The following SIGLEC7 variants were observed in gnomAD, a reference collection of about 807,000 sequenced individuals.
SIGLEC7 encodes the protein sialic acid binding Ig like lectin 7, also known as sialic acid-binding Ig-like lectin 7.
Under a neutral mutation model 40.8 loss-of-function variants are expected in SIGLEC7, and 33 were observed. That is an observed-to-expected ratio of 0.81 (90% confidence interval 0.61 to 1.08). The LOEUF is 1.08. SIGLEC7 is among the 50% of genes least tolerant of loss of function. SIGLEC7 has a pLI of 0.00. For missense variants in SIGLEC7, 513 were observed against 576.1 expected (o/e 0.89, Z 1.12); for synonymous variants, 242 against 237.6 (o/e 1.02, Z -0.17).
chr19:51,150,595 C>T (rs2092137232), intron 6 of SIGLEC7, among the ~76,000 whole-genome samples: 3 of 152,116 alleles, frequency 2.0e-5, no homozygotes, highest in Non-Finnish European at 4.4e-5. Context: ...AAGTTTTCTT[C>T]TTTTGTTGTG....
chr19:51,153,215 T>C lies in SIGLEC7; in HGVS notation c.1374T>C (p.Asn458=). Residue 458 remains asparagine (N), a synonymous_variant, in exon 7 of 7, where the codon AAT becomes AAC. Coordinates refer to ENST00000317643, the MANE Select transcript of SIGLEC7 (RefSeq NM_014385.4). ...QDLSGQEATN[N]EYSEIKIPK is the part of the protein sequence containing the mutation. ...TATCAGGACAAGAAGCCACCAACAATGAGTACTCAGAGATCAAGATCCCCA... is the reference window on the plus strand; with the variant it reads ...TATCAGGACAAGAAGCCACCAACAACGAGTACTCAGAGATCAAGATCCCCA... 6.3e-7 allele frequency: 1 copy of C among 1,596,940 alleles called. No homozygotes were observed. Among genetic ancestry groups the C allele is most frequent in the Non-Finnish European group, 8.5e-7 (1 of 1,171,966 alleles).
chr19:51,146,190 G>A (rs2092107343), intron 4 of SIGLEC7, 69 bp downstream of exon 4: 1 of 1,563,628 alleles, frequency 6.4e-7, no homozygotes, highest in South Asian at 1.2e-5. Flanking sequence ...CACTGCCCCT[G>A]AGCTTCAAGG....
In SIGLEC7 at chr19:51,142,564, G is replaced by A; in HGVS notation, c.195G>A (p.Trp65Ter). 6.2e-7 allele frequency: 1 copy of A among 1,614,170 alleles called. No homozygotes were observed. Among genetic ancestry groups the A allele is most frequent in the Non-Finnish European group, 8.5e-7 (1 of 1,180,036 alleles). Residue 65 changes from tryptophan (W) to a stop codon, truncating the protein, a stop_gained, in exon 1 of 7, where the codon TGG becomes TGA. Transcript: ENST00000317643. LOFTEE classifies it high-confidence loss of function. This position sits in a 1 kb window ranked among gnomAD's most constrained non-coding sequence, Gnocchi z 5.0. ...QTDSDPVHGY[W>*]FRAGNDISWK... The stretch of plus-strand genomic sequence containing the variant: ...ACTCTGACCCAGTTCATGGCTACTG[G>A]TTCCGGGCAGGGAATGATATAAGCT...
At chr19:51,151,420 T>C (rs2092142702) in intron 6 of SIGLEC7, among the ~76,000 whole-genome samples, 2 of 152,196 alleles carry the variant, frequency 1.3e-5, no homozygotes, top group Non-Finnish European at 2.9e-5. Flanking sequence ...GTTTGAATTA[T>C]ACCACTGGAT....
chr19:51,147,035 C>T (rs2092113036), intron 5 of SIGLEC7, 185 bp downstream of exon 5: 1 of 1,060,060 alleles, frequency 9.4e-7, no homozygotes, highest in East Asian at 2.6e-5. Flanking sequence ...TGTGGTGAAC[C>T]TTGGGCCCCA....
At position 51,147,332 on chromosome 19, in the gene SIGLEC7, C is replaced by T. The variant is rs144157893; in HGVS notation, c.1221+15C>T. 2,652 of 1,595,700 alleles carry T rather than the reference C, an allele frequency of 1.7e-3. 30 individuals carry two copies. Among genetic ancestry groups the T allele is most frequent in the Middle Eastern group, 9.5e-3 (57 of 5,992 alleles). On this transcript the variant is annotated intron_variant, in intron 6 of 6. Coordinates refer to ENST00000317643, the MANE Select transcript of SIGLEC7 (RefSeq NM_014385.4). ...CAGCCTCTCAGGTGAGTGATATGGG[C>T]GTCTCCACACCCAGCATCCAGCTGG...
At position 51,143,511 on chromosome 19, in the gene SIGLEC7, C is replaced by T. The variant is rs542579115; in HGVS notation, c.433+709C>T. Among the ~76,000 whole-genome samples, 15 of 152,240 alleles carry T rather than the reference C, an allele frequency of 9.9e-5. No individual in the cohort carries two copies. In the South Asian group the frequency reaches 2.7e-3, roughly 27 times the overall value. ...AAGCCCGGAGGTAGGAGGTGGGACA[C>T]GGTCTCTTCTCCTCCCTGGGTGGGT... On this transcript the variant is annotated intron_variant, in intron 1 of 6. Transcript: ENST00000317643.
chr19:51,146,003 T>TGGAG lies in SIGLEC7; in HGVS notation c.909_910insGGAG (p.Leu304GlyfsTer13). The TGGAG allele has an allele frequency of 6.2e-7, 1 of 1,614,072 alleles. No homozygotes were observed. Among genetic ancestry groups the TGGAG allele is most frequent in the Non-Finnish European group, 8.5e-7 (1 of 1,180,008 alleles). ...TGTACCCCTCACAGCCCTCAAACCC[T>TGGAG]CTGGTACTGGAGCTGCAAGTGCACC... On this transcript the variant is annotated frameshift_variant, in exon 4 of 7. Coordinates refer to ENST00000317643, the MANE Select transcript of SIGLEC7 (RefSeq NM_014385.4). LOFTEE classifies it high-confidence loss of function.
At chr19:51,144,830 C>T (rs2092096839) in intron 2 of SIGLEC7, 82 bp from the exon 3 acceptor site, 1 of 1,587,136 alleles carries the variant, frequency 6.3e-7, no homozygotes, top group Non-Finnish European at 8.6e-7. Flanking sequence ...TCCGCCTTCC[C>T]CATTTATGCA....
In SIGLEC7 at chr19:51,146,758, A is replaced by C. The variant is rs748463904; in HGVS notation, c.1032A>C (p.Lys344Asn). The change falls in exon 5 of 7, where the codon AAA becomes AAC. Residue 344 changes from lysine (K) to asparagine (N), a missense_variant. Coordinates refer to ENST00000317643, the MANE Select transcript of SIGLEC7 (RefSeq NM_014385.4). ...NLSLQQEYTG[K>N]MRPVSGVLLG... ...ACAATTCCAATCCATCCTCAGGCAA[A>C]ATGAGGCCTGTATCAGGAGTGTTGC... 33 of 1,613,220 alleles carry C rather than the reference A, an allele frequency of 2.0e-5. No individual in the cohort carries two copies. The highest frequency in any genetic ancestry group is 2.5e-5 in the Non-Finnish European group (30 of 1,179,534).
chr19:51,147,871 T>C (rs2092120396), intron 6 of SIGLEC7, among the ~76,000 whole-genome samples: 1 of 152,218 alleles, frequency 6.6e-6, no homozygotes, highest in Non-Finnish European at 1.5e-5. Flanking sequence ...CACAGTCTCA[T>C]TGCAGCTCCT....
chr19:51,147,519 TGGA>T (rs1272916592), intron 6 of SIGLEC7, among the ~76,000 whole-genome samples: 3 of 152,212 alleles, frequency 2.0e-5, no homozygotes, highest in African/African-American at 4.8e-5. Context: ...GGGCCAGGCA[TGGA>T]GGAGGAGTTA....
In SIGLEC7 at chr19:51,144,692, C is replaced by T. The variant is rs371754497; in HGVS notation, c.712+8C>T. The T allele has an allele frequency of 6.2e-7, 1 of 1,611,870 alleles. No individual in the cohort carries two copies. Among genetic ancestry groups the T allele is most frequent in the Admixed American group, 1.7e-5 (1 of 59,958 alleles). ...TCCAACTCAATGTGTCCTGTGAGTG[C>T]TGAGCCAGGACGCCCTGGTCCCTGA... is the stretch of plus-strand genomic sequence containing the variant. On this transcript the variant is annotated splice_region_variant and intron_variant, in intron 2 of 6. Transcript: ENST00000317643.
intron 1 of SIGLEC7, among the ~76,000 whole-genome samples, chr19:51,143,587 C>A (rs2092085015): frequency 6.6e-6 from 1 of 152,064 alleles, no homozygotes; most frequent in South Asian, 2.1e-4. Context: ...CAGAGGGAAC[C>A]AGTTCCTATA....
chr19:51,148,803 C>T (rs572496569), intron 6 of SIGLEC7, among the ~76,000 whole-genome samples: 1 of 152,286 alleles, frequency 6.6e-6, no homozygotes, highest in East Asian at 1.9e-4. Context: ...ACACTCCTGC[C>T]GACAGTATAA....
In SIGLEC7 at chr19:51,144,565, G is replaced by A. The variant is rs146686531; in HGVS notation, c.593G>A (p.Arg198His). 90 of 1,598,356 alleles carry A rather than the reference G, an allele frequency of 5.6e-5. No individual in the cohort carries two copies. The East Asian group carries it at 9.9e-4, about 18-fold the overall frequency. Residue 198 changes from arginine (R) to histidine (H), a missense_variant, in exon 2 of 7, where the codon CGC (arginine) becomes CAC (histidine). Arg to His is a conservative substitution (Grantham distance 29). Coordinates refer to ENST00000317643, the MANE Select transcript of SIGLEC7 (RefSeq NM_014385.4). Reference sequence around the variant, plus strand: ...TCCCCCCTGCACCCCTCCACCACCCGCTCCTCAGTGCTCACCCTCATCCCA... The same window carrying A: ...TCCCCCCTGCACCCCTCCACCACCCACTCCTCAGTGCTCACCCTCATCCCA... ...SVSPLHPSTT[R>H]SSVLTLIPQP...
chr19:51,143,048 G>C (rs2092080658), intron 1 of SIGLEC7, among the ~76,000 whole-genome samples: 1 of 152,106 alleles, frequency 6.6e-6, no homozygotes, highest in South Asian at 2.1e-4. Flanking sequence ...TGGCATTGTG[G>C]CATGTGGGGC....
chr19:51,153,006 C>T lies in SIGLEC7; in HGVS notation c.1222-57C>T, dbSNP rs569034206. The T allele has an allele frequency of 6.9e-5, 95 of 1,383,970 alleles. 1 individual carries two copies. In the South Asian group the frequency reaches 1.8e-3, roughly 26 times the overall value. 85.7% of individuals were successfully genotyped at this position (1,383,970 alleles called of 1,614,324 possible). ...ACCGATCAAACAACTTGTGACTCTCCCTGCCTTATCCTATTTCCACTGCTC... is the reference window on the plus strand; with the variant it reads ...ACCGATCAAACAACTTGTGACTCTCTCTGCCTTATCCTATTTCCACTGCTC... On this transcript the variant is annotated intron_variant, in intron 6 of 6. Coordinates refer to ENST00000317643, the MANE Select transcript of SIGLEC7 (RefSeq NM_014385.4).
chr19:51,145,107 G>A lies in SIGLEC7; in HGVS notation c.760+148G>A. On this transcript the variant is annotated intron_variant, in intron 3 of 6. Coordinates refer to ENST00000317643, the MANE Select transcript of SIGLEC7 (RefSeq NM_014385.4). This position sits in a 1 kb window ranked among gnomAD's most constrained non-coding sequence, Gnocchi z 4.3. Reference sequence around the variant, plus strand: ...CCTCCTCCCCATCCTTAGCCTCTGTGGCCACCTGAGCACCTGTCCTCTTCC... The same window carrying A: ...CCTCCTCCCCATCCTTAGCCTCTGTAGCCACCTGAGCACCTGTCCTCTTCC... The A allele has an allele frequency of 1.3e-6, 1 of 749,106 alleles. No individual in the cohort carries two copies. The highest frequency in any genetic ancestry group is 2.1e-5 in the Admixed American group (1 of 48,520). 46.4% of individuals were successfully genotyped at this position (749,106 alleles called of 1,614,324 possible). A position where few individuals can be genotyped will look rare whatever the true frequency, so the allele number is the denominator to read the frequency against.
Sources: allele counts gnomAD v4.1 joint callset (sites outside exome capture counted in the v4.1 genomes callset), GRCh38; gene constraint gnomAD v4.1.1; non-coding constraint Gnocchi (gnomAD v3.1); transcripts MANE v1.5; gene names NCBI Gene and HGNC (gene_info 2026-07-23, HGNC 2026-07-21).